NCKAP5: variants seen among roughly 807,000 people sequenced by gnomAD.
The protein encoded by NCKAP5 is NCK associated protein 5.
A neutral mutation model predicts 167.0 loss-of-function variants in NCKAP5; 92 were observed. The observed-to-expected ratio is 0.55, with a 90% CI of 0.47 to 0.66. NCKAP5 has a LOEUF of 0.66. NCKAP5 is among the 30% of genes least tolerant of loss of function. NCKAP5 has a pLI of 0.00. For synonymous variants in NCKAP5, 891 were observed against 877.4 expected (o/e 1.02, Z -0.27); for missense variants, 2,378 against 2,315.0 (o/e 1.03, Z -0.56).
chr2:132,848,616 T>C lies in NCKAP5; in HGVS notation c.807+11876A>G, dbSNP rs767829157. ...TATGATTTTGAAGACATGATTCTTATCCTCTTCCATTCACTAGTTAGCTAT... is the reference window on the plus strand; with the variant it reads ...TATGATTTTGAAGACATGATTCTTACCCTCTTCCATTCACTAGTTAGCTAT... On this transcript the variant is annotated intron_variant, in intron 11 of 19. Coordinates refer to ENST00000409261, the MANE Select transcript of NCKAP5 (RefSeq NM_207363.3). Among the ~76,000 whole-genome samples the C allele has an allele frequency of 3.3e-4, 50 of 152,190 alleles. 1 individual carries two copies. Among genetic ancestry groups the C allele is most frequent in the Non-Finnish European group, 5.0e-4 (34 of 68,028 alleles).
intron 6 of NCKAP5, among the ~76,000 whole-genome samples, chr2:133,075,837 A>C (rs939443019): frequency 6.6e-6 from 1 of 152,174 alleles, no homozygotes; most frequent in Non-Finnish European, 1.5e-5. Flanking sequence ...GCCAAAAATA[A>C]AATGGAAGAC....
At position 132,785,671 on chromosome 2, in the gene NCKAP5, G is replaced by A; in HGVS notation, c.1140C>T (p.Leu380=). The stretch of plus-strand genomic sequence containing the variant: ...TTGTAGGACTAGCAAAGCCACTTGG[G>A]AGCGAAGAATCAATACTTAGCCTTT... ...WDKRLSIDSS[L]PSGFASPTNE... The change falls in exon 14 of 20, where the codon CTC becomes CTT. Residue 380 remains leucine (L), a synonymous_variant. Transcript: ENST00000409261. 2 of 1,512,852 alleles carry A rather than the reference G, an allele frequency of 1.3e-6. No individual in the cohort carries two copies. Among genetic ancestry groups the A allele is most frequent in the East Asian group, 2.3e-5 (1 of 43,638 alleles). 93.7% of individuals were successfully genotyped at this position (1,512,852 alleles called of 1,614,324 possible).
intron 5 of NCKAP5, among the ~76,000 whole-genome samples, chr2:133,188,354 T>G (rs1191606057): frequency 6.6e-6 from 1 of 152,088 alleles, no homozygotes; most frequent in Non-Finnish European, 1.5e-5. Context: ...AACAGTCCAC[T>G]GTTAACATTA....
intron 7 of NCKAP5, among the ~76,000 whole-genome samples, chr2:132,968,442 G>C (rs2076732490): frequency 6.6e-6 from 1 of 152,204 alleles, no homozygotes; most frequent in South Asian, 2.1e-4. Flanking sequence ...TCAGTGCTTA[G>C]ATTTTACAAC....
intron 4 of NCKAP5, among the ~76,000 whole-genome samples, chr2:133,258,501 G>T (rs2088734427): frequency 6.6e-6 from 1 of 152,088 alleles, no homozygotes; most frequent in Non-Finnish European, 1.5e-5. Flanking sequence ...CAGCACTTTG[G>T]GAGGCTGAGA....
At chr2:133,587,094 C>T in the NCKAP5 span, among the ~76,000 whole-genome samples, 10 of 152,158 alleles carry the variant, frequency 6.6e-5, no homozygotes, top group African/African-American at 1.2e-4. Flanking sequence ...GGCTACCTGA[C>T]GTCCTCACCT....
chr2:133,033,007 TC>T (rs1485788078), intron 6 of NCKAP5, among the ~76,000 whole-genome samples: 3 of 152,132 alleles, frequency 2.0e-5, no homozygotes, highest in African/African-American at 7.2e-5. Flanking sequence ...CACCAGCTCC[TC>T]CCACAACATT....
chr2:133,116,691 C>T (rs548085481), intron 6 of NCKAP5, among the ~76,000 whole-genome samples: 1 of 152,138 alleles, frequency 6.6e-6, no homozygotes, highest in South Asian at 2.1e-4. Context: ...AGAAGCTTAA[C>T]ATATATTAAT....
the NCKAP5 span, among the ~76,000 whole-genome samples, chr2:133,608,749 T>C: frequency 6.6e-6 from 1 of 152,172 alleles, no homozygotes; most frequent in African/African-American, 2.4e-5. Context: ...TCCTGAAATG[T>C]TCTCAGATTT....
intron 5 of NCKAP5, among the ~76,000 whole-genome samples, chr2:133,152,808 C>G (rs1269177116): frequency 1.3e-5 from 2 of 152,082 alleles, no homozygotes; most frequent in Non-Finnish European, 2.9e-5. Context: ...TTTTACTGTA[C>G]CTTTTTGTGT....
At chr2:133,174,485 G>GCATC (rs1367462624) in intron 5 of NCKAP5, among the ~76,000 whole-genome samples, 1 of 152,052 alleles carries the variant, frequency 6.6e-6, no homozygotes, top group Non-Finnish European at 1.5e-5. Flanking sequence ...ACTAATTTTA[G>GCATC]CATCCATCAT....
intron 13 of NCKAP5, among the ~76,000 whole-genome samples, chr2:132,788,974 G>A (rs912457932): frequency 2.0e-5 from 3 of 152,154 alleles, no homozygotes; most frequent in Non-Finnish European, 4.4e-5. Context: ...TATGACAGGT[G>A]TACTGGTACT....
chr2:133,095,771 C>T (rs556360425), intron 6 of NCKAP5, among the ~76,000 whole-genome samples: 8 of 152,228 alleles, frequency 5.3e-5, no homozygotes, highest in Admixed American at 2.0e-4. Context: ...TAAATTACGA[C>T]TATCCCAATT....
intron 3 of NCKAP5, among the ~76,000 whole-genome samples, chr2:133,420,374 C>A (rs943594184): frequency 2.0e-5 from 3 of 152,188 alleles, no homozygotes; most frequent in Non-Finnish European, 4.4e-5. Flanking sequence ...ACATATTGTA[C>A]AATCCATTTA....
chr2:133,215,978 T>G (rs906011446), intron 4 of NCKAP5, among the ~76,000 whole-genome samples: 4 of 151,934 alleles, frequency 2.6e-5, no homozygotes, highest in African/African-American at 9.7e-5. Flanking sequence ...CAACAAACAA[T>G]TGGAAAATAA....
chr2:133,603,317 C>G, the NCKAP5 span, among the ~76,000 whole-genome samples: 1 of 151,628 alleles, frequency 6.6e-6, no homozygotes. Flanking sequence ...ACCTCTGCCT[C>G]CCGGGTTCCA....
At chr2:133,016,609 A>G (rs184821955) in intron 6 of NCKAP5, among the ~76,000 whole-genome samples, 118 of 152,370 alleles carry the variant, frequency 7.7e-4, no homozygotes, top group African/African-American at 2.7e-3. Flanking sequence ...GGCTATCTAA[A>G]ATGAATCATA....
intron 19 of NCKAP5, among the ~76,000 whole-genome samples, chr2:132,719,505 G>A (rs1166601025): frequency 6.6e-6 from 1 of 152,210 alleles, no homozygotes; most frequent in Non-Finnish European, 1.5e-5. Context: ...GTGGGTGATG[G>A]ACAACCCTCG....
At chr2:132,698,300 T>C (rs1302941527) in intron 19 of NCKAP5, among the ~76,000 whole-genome samples, 1 of 152,144 alleles carries the variant, frequency 6.6e-6, no homozygotes, top group East Asian at 1.9e-4. Flanking sequence ...AAAATCAAAA[T>C]AGCACCATGG....
Sources: allele counts gnomAD v4.1 joint callset (sites outside exome capture counted in the v4.1 genomes callset), GRCh38; gene constraint gnomAD v4.1.1; transcripts MANE v1.5; gene names NCBI Gene and HGNC (gene_info 2026-07-23, HGNC 2026-07-21).